Variants in SPHKAP observed in about 807,000 individuals in gnomAD.
SPHKAP encodes SPHK1 interactor, AKAP domain containing.
Under a neutral mutation model 137.5 loss-of-function variants are expected in SPHKAP, and 67 were observed. The observed-to-expected ratio is 0.49, with a 90% CI of 0.40 to 0.60. The LOEUF (loss-of-function observed/expected upper bound fraction) is 0.60, where lower values mean the gene tolerates loss of function less well. SPHKAP is among the 20% of genes least tolerant of loss of function. The probability of loss-of-function intolerance (pLI) is 0.00; values close to 1 mark genes in which losing one functional copy is unlikely to be tolerated. For synonymous variants in SPHKAP, 813 were observed against 785.3 expected (o/e 1.04, Z -0.59); for missense variants, 2,097 against 2,069.3 (o/e 1.01, Z -0.26).
chr2:228,140,166 C>T (rs1446121305), intron 1 of SPHKAP, among the ~76,000 whole-genome samples: 3 of 151,408 alleles, frequency 2.0e-5, no homozygotes, highest in Admixed American at 1.3e-4. Flanking sequence ...AGGCTGGTCT[C>T]GATCTCCTGA....
At chr2:228,016,362 C>G (rs761039524) in intron 7 of SPHKAP, 44 bp downstream of exon 7, 2 of 1,508,866 alleles carry the variant, frequency 1.3e-6, no homozygotes, top group Admixed American at 4.7e-5. Context: ...AAGACGCAAA[C>G]TCCAGTCACA....
At chr2:228,053,739 T>C (rs1336206111) in intron 3 of SPHKAP, among the ~76,000 whole-genome samples, 2 of 152,226 alleles carry the variant, frequency 1.3e-5, no homozygotes, top group African/African-American at 4.8e-5. Context: ...GATTTTTAGA[T>C]GTGAAATGAC....
chr2:228,000,966 T>C (rs1693834582), intron 7 of SPHKAP, among the ~76,000 whole-genome samples: 1 of 152,112 alleles, frequency 6.6e-6, no homozygotes, highest in Non-Finnish European at 1.5e-5. Flanking sequence ...ACTCCCCAAA[T>C]GTCTTCAAAA....
intron 8 of SPHKAP, among the ~76,000 whole-genome samples, chr2:227,994,988 C>T (rs561459278): frequency 6.6e-6 from 1 of 152,190 alleles, no homozygotes; most frequent in Non-Finnish European, 1.5e-5. Flanking sequence ...TAGTTAATGT[C>T]TCCTGACTGG....
In SPHKAP at chr2:228,027,479, G is replaced by A. The variant is rs1466851617; in HGVS notation, c.306+5C>T. The A allele has an allele frequency of 2.5e-6, 4 of 1,613,716 alleles. No individual in the cohort carries two copies. Among genetic ancestry groups the A allele is most frequent in the Non-Finnish European group, 3.4e-6 (4 of 1,179,788 alleles). ...CTCCCGGTCAGCTTGAGTTTCAAAT[G>A]TTACCTGTTGCAGGTGCTCTGTGCT... On this transcript the variant is annotated splice_donor_5th_base_variant and intron_variant, in intron 4 of 11. Transcript: ENST00000392056.
chr2:228,175,856 A>G (rs1177285739), intron 1 of SPHKAP, among the ~76,000 whole-genome samples: 1 of 152,190 alleles, frequency 6.6e-6, no homozygotes. Context: ...AAGACAGGAT[A>G]TCTATGCTAA....
intron 2 of SPHKAP, among the ~76,000 whole-genome samples, chr2:228,114,197 AAAT>A (rs1361484982): frequency 6.6e-6 from 1 of 152,182 alleles, no homozygotes; most frequent in Non-Finnish European, 1.5e-5. Flanking sequence ...CACAAATTTG[AAAT>A]AATAATGGCA....
Position 228,063,662 on chromosome 2 carries a change from G to T in SPHKAP, c.247-36119C>A, listed in dbSNP as rs1696734937. On this transcript the variant is annotated intron_variant, in intron 3 of 11. Coordinates refer to ENST00000392056, the MANE Select transcript of SPHKAP (RefSeq NM_001142644.2). Reference sequence around the variant, plus strand: ...GATGATACTGCTGAGTAAACTGGATGTGAAACACGACAGAGTTTAGGTGGC... The same window carrying T: ...GATGATACTGCTGAGTAAACTGGATTTGAAACACGACAGAGTTTAGGTGGC... 2.0e-5 allele frequency among the ~76,000 whole-genome samples: 3 copies of T among 152,194 alleles called. No homozygotes were observed. In the South Asian group the frequency reaches 6.2e-4, roughly 32 times the overall value.
chr2:228,146,824 T>G (rs1486595764), intron 1 of SPHKAP, among the ~76,000 whole-genome samples: 1 of 152,252 alleles, frequency 6.6e-6, no homozygotes, highest in Non-Finnish European at 1.5e-5. Context: ...TATAGGTTCA[T>G]TCCATGTCTT....
At chr2:228,117,016 C>T (rs1430622157) in intron 2 of SPHKAP, among the ~76,000 whole-genome samples, 1 of 152,084 alleles carries the variant, frequency 6.6e-6, no homozygotes, top group Admixed American at 6.6e-5. Context: ...GAGCCTGTCC[C>T]AATATAAATA....
intron 1 of SPHKAP, among the ~76,000 whole-genome samples, chr2:228,159,324 TG>T (rs1363993911): frequency 5.9e-5 from 9 of 152,226 alleles, no homozygotes; most frequent in African/African-American, 2.2e-4. Context: ...AGAGCAGGGT[TG>T]GGGGTGAGAA....
chr2:228,017,684 C>G lies in SPHKAP; in HGVS notation c.3170G>C (p.Gly1057Ala), dbSNP rs1694662860. The change falls in exon 7 of 12, where the codon GGC (glycine) becomes GCC (alanine). Residue 1057 changes from glycine to alanine, a missense_variant. Transcript: ENST00000392056. ...GGGATAGCCCTGCGCCTGCCACATG[C>G]CGTCCACCATAGAGAACTCCGTTAG... ...MNLTEFSMVD[G>A]MWQAQGYPRN... 3.7e-6 allele frequency: 6 copies of G among 1,613,844 alleles called. No individual in the cohort carries two copies. The highest frequency in any genetic ancestry group is 1.3e-5 in the African/African-American group (1 of 74,954).
rs1320354579 is a variant in SPHKAP at position 228,080,763 on chromosome 2, AAAATAAAATAAAATAAAATAAAACC to A, written c.246+28044_246+28068del. Among the ~76,000 whole-genome samples, 414 of 48,706 alleles carry A rather than the reference AAAATAAAATAAAATAAAATAAAACC, an allele frequency of 8.5e-3. 3 individuals are homozygous for A. The highest frequency in any genetic ancestry group is 0.029 in the African/African-American group (378 of 12,866). The allele number at this position is 48,706 out of a possible 152,430, so 32.0% of individuals were successfully genotyped here. ...AAAATAAAATAAAATAAAATAAAATAAAATAAAATAAAATAAAATAAAACCAAACCACAATGATGTATCATCTCAC... is the reference window on the plus strand; with the variant it reads ...AAAATAAAATAAAATAAAATAAAATAAAACCACAATGATGTATCATCTCAC... On this transcript the variant is annotated intron_variant, in intron 3 of 11. Transcript: ENST00000392056.
chr2:228,177,739 A>T (rs1700784002), intron 1 of SPHKAP, among the ~76,000 whole-genome samples: 1 of 152,192 alleles, frequency 6.6e-6, no homozygotes, highest in Non-Finnish European at 1.5e-5. Context: ...GATGAGTTTT[A>T]GTGAAATGTG....
intron 3 of SPHKAP, among the ~76,000 whole-genome samples, chr2:228,030,550 A>T (rs571273453): frequency 2.1e-3 from 175 of 82,506 alleles, no homozygotes; most frequent in South Asian, 0.018. Context: ...AAACAAAAAA[A>T]AAAAAATAAA....
chr2:228,072,045 C>T (rs1236258455), intron 3 of SPHKAP, among the ~76,000 whole-genome samples: 1 of 152,196 alleles, frequency 6.6e-6, no homozygotes, highest in Non-Finnish European at 1.5e-5. Flanking sequence ...TGGGCATTAT[C>T]TAATTCATTG....
chr2:227,991,401 G>A (rs572365263), intron 9 of SPHKAP, 75 bp from the exon 10 acceptor site: 2 of 1,608,044 alleles, frequency 1.2e-6, no homozygotes, highest in African/African-American at 1.3e-5. Flanking sequence ...GAGGCGATGG[G>A]TCTTACTGAT....
At chr2:228,132,171 G>A in intron 1 of SPHKAP, 86 bp from the exon 2 acceptor site, 3 of 1,142,324 alleles carry the variant, frequency 2.6e-6, no homozygotes, top group Non-Finnish European at 3.9e-6. Context: ...ACAACATGGT[G>A]TATCAAAAAT....
intron 3 of SPHKAP, among the ~76,000 whole-genome samples, chr2:228,059,485 G>A (rs910490066): frequency 1.3e-5 from 2 of 152,222 alleles, no homozygotes; most frequent in Admixed American, 6.5e-5. Context: ...GATACTGCAT[G>A]GGTTGGCTGA....
Sources: allele counts gnomAD v4.1 joint callset (sites outside exome capture counted in the v4.1 genomes callset), GRCh38; gene constraint gnomAD v4.1.1; transcripts MANE v1.5; gene names NCBI Gene and HGNC (gene_info 2026-07-23, HGNC 2026-07-21).